The following COL9A1 variants were observed in gnomAD, a reference collection of about 807,000 sequenced individuals.
The protein encoded by COL9A1 is collagen alpha-1(IX) chain.
Under a neutral mutation model 142.6 loss-of-function variants are expected in COL9A1, and 104 were observed. The observed-to-expected ratio is 0.73, with a 90% CI of 0.62 to 0.86. COL9A1 has a LOEUF of 0.86. Ranked by LOEUF, COL9A1 falls within the 40% of genes least tolerant of loss-of-function variation. The pLI, the probability that COL9A1 is intolerant of heterozygous loss-of-function variation, is 0.00. For missense variants in COL9A1, 1,210 were observed against 1,176.6 expected (o/e 1.03, Z -0.42); for synonymous variants, 466 against 396.0 (o/e 1.18, Z -2.10).
In COL9A1 at chr6:70,263,560, A is replaced by T. The variant is rs1237507601; in HGVS notation, c.1342-263T>A. On this transcript the variant is annotated intron_variant, in intron 18 of 37. Coordinates refer to ENST00000357250, the MANE Select transcript of COL9A1 (RefSeq NM_001851.6). ...TAACATTTAGATGTTATTCTTTCAA[A>T]GTTTTTCTAAAGTGGGGGAAAGAGG... 4.6e-5 allele frequency among the ~76,000 whole-genome samples: 7 copies of T among 152,108 alleles called. No individual in the cohort carries two copies. The East Asian group carries it at 1.4e-3, about 29-fold the overall frequency.
chr6:70,277,658 G>T (rs1316609131), intron 10 of COL9A1, among the ~76,000 whole-genome samples: 1 of 152,142 alleles, frequency 6.6e-6, no homozygotes, highest in East Asian at 1.9e-4. Flanking sequence ...CAGCTGGTAG[G>T]ACTCAAGGCT....
chr6:70,274,886 AT>A, intron 10 of COL9A1, 114 bp from the exon 11 acceptor site: 1 of 794,722 alleles, frequency 1.3e-6, no homozygotes, highest in Non-Finnish European at 2.1e-6. Flanking sequence ...CATAAGTATG[AT>A]GCAAATATTT....
Position 70,281,469 on chromosome 6 carries a change from CA to C in COL9A1, c.802-6del. On this transcript the variant is annotated splice_region_variant and splice_polypyrimidine_tract_variant and intron_variant, in intron 7 of 37. Coordinates refer to ENST00000357250, the MANE Select transcript of COL9A1 (RefSeq NM_001851.6). ...CTGCTCACCCGGGGGACCTCTCTGG[CA>C]AAAATAGCAGACATAGGTTAGTGGA... 1 of 1,609,474 alleles carries C rather than the reference CA, an allele frequency of 6.2e-7. No homozygotes were observed. Among genetic ancestry groups the C allele is most frequent in the Non-Finnish European group, 8.5e-7 (1 of 1,178,300 alleles).
chr6:70,244,531 T>C (rs1770467493), intron 28 of COL9A1, among the ~76,000 whole-genome samples: 1 of 152,224 alleles, frequency 6.6e-6, no homozygotes. Context: ...CTCACGTGAC[T>C]TTAATTCACA....
Position 70,269,671 on chromosome 6 carries a change from G to A in COL9A1, c.1198-6C>T, listed in dbSNP as rs748291134. 1.3e-6 allele frequency: 2 copies of A among 1,574,822 alleles called. No homozygotes were observed. The highest frequency in any genetic ancestry group is 1.7e-6 in the Non-Finnish European group (2 of 1,144,392). Reference sequence around the variant, plus strand: ...TCATGAAAGCCAATTGTTCCCTAAAGTAAACAAAATATTAAGGTTCAGAAT... The same window carrying A: ...TCATGAAAGCCAATTGTTCCCTAAAATAAACAAAATATTAAGGTTCAGAAT... On this transcript the variant is annotated splice_polypyrimidine_tract_variant and splice_region_variant and intron_variant, in intron 15 of 37. Transcript: ENST00000357250.
chr6:70,234,617 C>T, intron 34 of COL9A1, 24 bp from the exon 35 acceptor site: 4 of 1,613,924 alleles, frequency 2.5e-6, no homozygotes, highest in East Asian at 2.2e-5. Context: ...GAAAAAAAGG[C>T]AGTTTATGCA....
At chr6:70,271,437 G>T (rs752453146) in intron 14 of COL9A1, among the ~76,000 whole-genome samples, 26 of 152,042 alleles carry the variant, frequency 1.7e-4, no homozygotes, top group Non-Finnish European at 3.7e-4. Context: ...CTGGAAGTTG[G>T]GAAGAAAAGT....
intron 6 of COL9A1, 64 bp from the exon 7 acceptor site, chr6:70,282,982 T>C (rs1773267456): frequency 6.2e-7 from 1 of 1,613,962 alleles, no homozygotes; most frequent in East Asian, 2.2e-5. Flanking sequence ...GCAACTTACT[T>C]GAGCCGCGCA....
chr6:70,257,566 G>A (rs1470979589), intron 20 of COL9A1, among the ~76,000 whole-genome samples: 1 of 152,102 alleles, frequency 6.6e-6, no homozygotes, highest in East Asian at 1.9e-4. Context: ...TGGCCAACAT[G>A]GAGAAACCCA....
chr6:70,229,973 A>G (rs966744112), intron 36 of COL9A1, among the ~76,000 whole-genome samples: 5 of 152,288 alleles, frequency 3.3e-5, no homozygotes, highest in African/African-American at 1.2e-4. Context: ...TTCATAATAA[A>G]ACTTGTTTGT....
intron 5 of COL9A1, among the ~76,000 whole-genome samples, chr6:70,284,327 G>A (rs1773354191): frequency 6.6e-6 from 1 of 152,104 alleles, no homozygotes; most frequent in South Asian, 2.1e-4. Context: ...AGAAAATCTA[G>A]TCTTGGAAAA....
chr6:70,247,006 T>C (rs537273668), intron 28 of COL9A1, among the ~76,000 whole-genome samples: 30 of 152,310 alleles, frequency 2.0e-4, no homozygotes, highest in Admixed American at 5.9e-4. Flanking sequence ...TATGCTTGTC[T>C]CATAGTAAGC....
rs886038498 is a variant in COL9A1 at position 70,300,297 on chromosome 6, A to G, written c.166+12T>C. ...AAAGCATGCATTTTCAATAGGGTAC[A>G]TTGCTACTCACCTGGTAAGTCATCT... On this transcript the variant is annotated intron_variant, in intron 3 of 37. Transcript: ENST00000357250. The G allele has an allele frequency of 4.3e-6, 7 of 1,611,706 alleles. No individual in the cohort carries two copies. In the Middle Eastern group the frequency reaches 5.0e-4, roughly 114 times the overall value.
At chr6:70,264,087 C>T (rs1425625790) in intron 18 of COL9A1, among the ~76,000 whole-genome samples, 2 of 151,920 alleles carry the variant, frequency 1.3e-5, no homozygotes, top group East Asian at 3.9e-4. Flanking sequence ...TTCTGCTCTA[C>T]CGATCTACTA....
At chr6:70,224,261 TCTGA>T (rs985900728) in intron 37 of COL9A1, among the ~76,000 whole-genome samples, 6 of 152,162 alleles carry the variant, frequency 3.9e-5, no homozygotes, top group South Asian at 4.1e-4. Flanking sequence ...GGGAAGCCCC[TCTGA>T]CTGACTGTGT....
chr6:70,234,111 A>T (rs1188770624), intron 35 of COL9A1, among the ~76,000 whole-genome samples: 1 of 152,174 alleles, frequency 6.6e-6, no homozygotes, highest in African/African-American at 2.4e-5. Flanking sequence ...TCCTATGGGC[A>T]TGGAGTCTGT....
intron 5 of COL9A1, among the ~76,000 whole-genome samples, chr6:70,287,579 T>A (rs1354066873): frequency 6.6e-6 from 1 of 152,094 alleles, no homozygotes; most frequent in African/African-American, 2.4e-5. Context: ...CCATCCTCTG[T>A]TCCTCTTTAC....
At chr6:70,265,709 T>A (rs999049314) in intron 18 of COL9A1, among the ~76,000 whole-genome samples, 1 of 152,106 alleles carries the variant, frequency 6.6e-6, no homozygotes, top group Non-Finnish European at 1.5e-5. Context: ...TTCAGATAAA[T>A]AAAATGCCTT....
At chr6:70,270,628 A>G (rs1311612066) in intron 14 of COL9A1, among the ~76,000 whole-genome samples, 4 of 152,234 alleles carry the variant, frequency 2.6e-5, no homozygotes, top group East Asian at 3.8e-4. Flanking sequence ...ATTCTTCTCT[A>G]TCAGACAAAC....
Sources: gnomAD v4.1 joint callset for allele counts (sites outside exome capture counted in the v4.1 genomes callset) on GRCh38, gnomAD v4.1.1 for gene constraint, MANE v1.5 for transcripts, NCBI Gene and HGNC (gene_info 2026-07-23, HGNC 2026-07-21) for gene names.